LIPG: variants seen among roughly 807,000 people sequenced by gnomAD.
LIPG encodes the protein lipase G, endothelial type, also known as endothelial lipase.
A neutral mutation model predicts 51.8 loss-of-function variants in LIPG; 34 were observed. The ratio of observed to expected loss-of-function variants is 0.66; its 90% CI spans 0.50 to 0.87. LIPG has a LOEUF of 0.87. Among genes scored for constraint, LIPG ranks in the 40% least tolerant of loss-of-function variants. The pLI is 0.00. For missense variants in LIPG, 580 were observed against 652.7 expected (o/e 0.89, Z 1.21); for synonymous variants, 246 against 246.1 (o/e 1.00, Z 0.00).
chr18:49,581,628 T>G lies in LIPG; in HGVS notation c.1007T>G (p.Leu336Arg). 6.2e-7 allele frequency: 1 copy of G among 1,614,060 alleles called. No individual in the cohort carries two copies. Among genetic ancestry groups the G allele is most frequent in the Non-Finnish European group, 8.5e-7 (1 of 1,180,018 alleles). The change falls in exon 6 of 10, where the codon CTA (leucine) becomes CGA (arginine). Residue 336 changes from leucine to arginine, a missense_variant. Leu to Arg is a moderately radical substitution (Grantham distance 102). Coordinates refer to ENST00000261292, the MANE Select transcript of LIPG (RefSeq NM_006033.4). ...AACAAGAGGAACAGCAAAATGTACC[T>G]AAAAACCCGGGCAGGCATGCCTTTC... is the stretch of plus-strand genomic sequence containing the variant. ...MRNKRNSKMY[L>R]KTRAGMPFRV... is the part of the protein sequence containing the mutation.
upstream of LIPG, chr18:49,561,661 A>AGTG (rs1164382026): frequency 4.0e-6 from 5 of 1,236,090 alleles, no homozygotes; most frequent in African/African-American, 7.8e-5. Context: ...TCCCAGAGAG[A>AGTG]GTGTGGCTTT....
chr18:49,582,472 C>T lies in LIPG; in HGVS notation c.1147C>T (p.Pro383Ser). The T allele has an allele frequency of 6.2e-7, 1 of 1,614,222 alleles. No individual in the cohort carries two copies. Among genetic ancestry groups the T allele is most frequent in the Non-Finnish European group, 8.5e-7 (1 of 1,180,044 alleles). The change falls in exon 7 of 10, where the codon CCA (proline) becomes TCA (serine). Residue 383 changes from proline to serine, a missense_variant. By Grantham distance (74) the Pro-to-Ser change is moderately conservative. Transcript: ENST00000261292. ...YGTNADSQTL[P>S]LEIVERIEQN... ...CACTAATGCAGATTCCCAGACTCTGCCACTGGAAATGTAAGTCATCCGTTT... is the reference window on the plus strand; with the variant it reads ...CACTAATGCAGATTCCCAGACTCTGTCACTGGAAATGTAAGTCATCCGTTT...
rs2084937814 is a variant in LIPG at position 49,590,996 on chromosome 18, CG to C, written c.*477del. 3.9e-6 allele frequency: 1 copy of C among 258,984 alleles called. No individual in the cohort carries two copies. Among genetic ancestry groups the C allele is most frequent in the Admixed American group, 4.9e-5 (1 of 20,574 alleles). The allele number at this position is 258,984 out of a possible 1,614,324, so 16.0% of individuals were successfully genotyped here. A position where few individuals can be genotyped will look rare whatever the true frequency, so the allele number is the denominator to read the frequency against. On this transcript the variant is annotated 3_prime_UTR_variant, in exon 10 of 10. Coordinates refer to ENST00000261292, the MANE Select transcript of LIPG (RefSeq NM_006033.4). The stretch of plus-strand genomic sequence containing the variant: ...AGGATGGCAGGCCTGGTATCTTGCT[CG>C]GGCCCTAGCTGTTGGGGTTCTCATG...
At position 49,592,757 on chromosome 18, in the gene LIPG, G is replaced by A. The variant is rs983899600; in HGVS notation, c.*2235G>A. ...GCTTGAAGCCTTAATTGTATATAAT[G>A]ATGCTTTTTAAAAAATGCTATTTGG... On this transcript the variant is annotated 3_prime_UTR_variant, in exon 10 of 10. Coordinates refer to ENST00000261292, the MANE Select transcript of LIPG (RefSeq NM_006033.4). 5 of 151,912 alleles carry A rather than the reference G, an allele frequency of 3.3e-5. No individual in the cohort carries two copies. The highest frequency in any genetic ancestry group is 4.8e-5 in the African/African-American group (2 of 41,340). The allele number at this position is 151,912 out of a possible 1,614,324, so 9.4% of individuals were successfully genotyped here.
At chr18:49,566,914 G>A (rs1238213803) in intron 2 of LIPG, among the ~76,000 whole-genome samples, 1 of 152,210 alleles carries the variant, frequency 6.6e-6, no homozygotes, top group African/African-American at 2.4e-5. Flanking sequence ...AGCTAGGAAA[G>A]TTTTGATGGG....
intron 4 of LIPG, among the ~76,000 whole-genome samples, chr18:49,572,343 A>G (rs1409637785): frequency 2.6e-5 from 4 of 151,580 alleles, no homozygotes; most frequent in African/African-American, 4.9e-5. Context: ...TAAAAAATAA[A>G]AAACAAACAA....
intron 1 of LIPG, among the ~76,000 whole-genome samples, 154 bp downstream of exon 1, chr18:49,562,559 G>C (rs1180770408): frequency 6.6e-6 from 1 of 152,210 alleles, no homozygotes; most frequent in Non-Finnish European, 1.5e-5. Context: ...GAGTCCACCT[G>C]TCTCTCTGCT....
intron 3 of LIPG, among the ~76,000 whole-genome samples, chr18:49,567,958 T>C (rs974045155): frequency 2.0e-5 from 3 of 152,218 alleles, no homozygotes; most frequent in African/African-American, 7.2e-5. Flanking sequence ...CTGAAATTCC[T>C]ACAAAGACTG....
intron 8 of LIPG, 103 bp downstream of exon 8, chr18:49,583,877 C>A: frequency 9.5e-7 from 1 of 1,048,398 alleles, no homozygotes; most frequent in Non-Finnish European, 1.4e-6. Flanking sequence ...CAATCCTTCC[C>A]TCCAGCATGC....
chr18:49,580,556 C>T (rs2084808385), intron 5 of LIPG, among the ~76,000 whole-genome samples: 1 of 152,028 alleles, frequency 6.6e-6, no homozygotes, highest in Non-Finnish European at 1.5e-5. Context: ...GGCAGGAGGA[C>T]TGCTTGGGCC....
At chr18:49,578,271 T>C (rs2084752041) in intron 5 of LIPG, among the ~76,000 whole-genome samples, 1 of 125,540 alleles carries the variant, frequency 8.0e-6, no homozygotes, top group Admixed American at 7.8e-5. Context: ...TCAGACGGGG[T>C]GGTTGCCAGG....
chr18:49,569,329 C>T (rs529381453), intron 3 of LIPG, 108 bp from the exon 4 acceptor site: 263 of 900,408 alleles, frequency 2.9e-4, no homozygotes, highest in Non-Finnish European at 3.9e-4. Context: ...TCTGTGCCCA[C>T]GGCCCCTGCA....
At chr18:49,571,319 T>C (rs1196402370) in intron 4 of LIPG, among the ~76,000 whole-genome samples, 1 of 152,240 alleles carries the variant, frequency 6.6e-6, no homozygotes, top group Non-Finnish European at 1.5e-5. Flanking sequence ...TCAGTAACGA[T>C]GACAAACTGC....
At position 49,596,565 on chromosome 18, in the gene LIPG, G is replaced by A. The variant is rs1482752236; in HGVS notation, c.*6043G>A. The A allele has an allele frequency of 6.9e-6, 1 of 144,492 alleles. No homozygotes were observed. The highest frequency in any genetic ancestry group is 2.0e-4 in the East Asian group (1 of 4,940). The allele number at this position is 144,492 out of a possible 1,614,324, so 9.0% of individuals were successfully genotyped here. ...TAGGAAAATCACTTGAACCCAGAAG[G>A]CAGAAGTTGCAGTGAGCCTAGATCA... is the stretch of plus-strand genomic sequence containing the variant. On this transcript the variant is annotated 3_prime_UTR_variant, in exon 10 of 10. Transcript: ENST00000261292.
intron 1 of LIPG, among the ~76,000 whole-genome samples, chr18:49,562,881 G>A (rs1173572799): frequency 6.6e-6 from 1 of 152,210 alleles, no homozygotes; most frequent in African/African-American, 2.4e-5. Context: ...TGCTTGCAGG[G>A]AGCGTCTGGT....
At chr18:49,578,674 C>A (rs1240614427) in intron 5 of LIPG, among the ~76,000 whole-genome samples, 110 of 150,118 alleles carry the variant, frequency 7.3e-4, no homozygotes, top group Middle Eastern at 3.5e-3. Context: ...AGGCAGGCGG[C>A]TGGGAGGTGT....
chr18:49,572,072 C>G (rs2084669768), intron 4 of LIPG, among the ~76,000 whole-genome samples: 1 of 152,228 alleles, frequency 6.6e-6, no homozygotes, highest in African/African-American at 2.4e-5. Context: ...GTAACCCCAG[C>G]ACTTTGGGAG....
chr18:49,575,360 C>T lies in LIPG; in HGVS notation c.572-9C>T, dbSNP rs1163194522. 1 of 1,611,694 alleles carries T rather than the reference C, an allele frequency of 6.2e-7. No homozygotes were observed. Among genetic ancestry groups the T allele is most frequent in the Non-Finnish European group, 8.5e-7 (1 of 1,179,646 alleles). ...ACCACAGCTGTTTTGGGGCCTCCTT[C>T]TGCTGCAGGTTTGGATCCTGCCGGG... On this transcript the variant is annotated splice_polypyrimidine_tract_variant and intron_variant, in intron 4 of 9. Coordinates refer to ENST00000261292, the MANE Select transcript of LIPG (RefSeq NM_006033.4).
chr18:49,584,964 TCTCTG>T (rs1474890973), intron 8 of LIPG, among the ~76,000 whole-genome samples: 21 of 152,248 alleles, frequency 1.4e-4, no homozygotes, highest in Non-Finnish European at 3.1e-4. Context: ...CCTGTGTCCT[TCTCTG>T]CTCTACCCTT....
Sources: gnomAD v4.1 joint callset for allele counts (sites outside exome capture counted in the v4.1 genomes callset) on GRCh38, gnomAD v4.1.1 for gene constraint, MANE v1.5 for transcripts, NCBI Gene and HGNC (gene_info 2026-07-23, HGNC 2026-07-21) for gene names.